The following CERK variants were observed in gnomAD, a reference collection of about 807,000 sequenced individuals.
CERK encodes the protein acylsphingosine kinase.
CERK carries 39 observed loss-of-function variants against 63.4 expected under a neutral mutation model. The observed-to-expected ratio is 0.61, with a 90% CI of 0.48 to 0.80. CERK has a LOEUF of 0.80. Ranked by LOEUF, CERK falls within the 30% of genes least tolerant of loss-of-function variation. CERK has a pLI of 0.00. For synonymous variants in CERK, 302 were observed against 280.0 expected, an observed-to-expected ratio of 1.08 and a Z score of -0.78; for missense variants, 670 against 714.1, an observed-to-expected ratio of 0.94 and a Z score of 0.70.
chr22:46,691,733 T>A lies in CERK; in HGVS notation c.1171A>T (p.Ile391Phe). The A allele has an allele frequency of 1.2e-6, 2 of 1,613,266 alleles. No individual in the cohort carries two copies. The highest frequency in any genetic ancestry group is 1.7e-6 in the Non-Finnish European group (2 of 1,179,348). Residue 391 changes from isoleucine (I) to phenylalanine (F), a missense_variant, in exon 11 of 13, where the codon ATC becomes TTC. Ile to Phe is a conservative substitution (Grantham distance 21). Transcript: ENST00000216264. ...GCACAGGACATGTTTGTGGCATTGA[T>A]GGCCAGAAACTTCCCACAGACGACT... is the stretch of plus-strand genomic sequence containing the variant. ...WQVVCGKFLA[I>F]NATNMSCACR...
chr22:46,698,408 G>A (rs1043082035), intron 8 of CERK, among the ~76,000 whole-genome samples: 1 of 152,206 alleles, frequency 6.6e-6, no homozygotes, highest in Non-Finnish European at 1.5e-5. Context: ...CAACAAATAC[G>A]TGCTGAGTGT....
At chr22:46,694,593 C>A (rs2082747027) in intron 9 of CERK, among the ~76,000 whole-genome samples, 1 of 152,180 alleles carries the variant, frequency 6.6e-6, no homozygotes, top group African/African-American at 2.4e-5. Context: ...CCCCCCAACC[C>A]CTGGCACCAG....
intron 2 of CERK, among the ~76,000 whole-genome samples, chr22:46,720,583 C>G (rs2082887258): frequency 6.6e-6 from 1 of 152,094 alleles, no homozygotes. Context: ...ATAATCCCAG[C>G]TACTCAGGAG....
chr22:46,691,426 G>A (rs1332237684), intron 11 of CERK, 146 bp downstream of exon 11: 1 of 673,668 alleles, frequency 1.5e-6, no homozygotes, highest in East Asian at 2.8e-5. Flanking sequence ...GTAACCAGGA[G>A]TTTAAAGTTT....
At chr22:46,691,842 G>T in intron 10 of CERK, 65 bp from the exon 11 acceptor site, 2 of 1,403,832 alleles carry the variant, frequency 1.4e-6, no homozygotes, top group Non-Finnish European at 9.8e-7. Context: ...CCTGCACCAG[G>T]ACGGTGGGAG....
At chr22:46,695,426 T>G (rs1157300408) in intron 8 of CERK, 111 bp from the exon 9 acceptor site, 5 of 738,400 alleles carry the variant, frequency 6.8e-6, no homozygotes, top group Middle Eastern at 3.4e-4. Flanking sequence ...GCCTAAACCG[T>G]CTGCAGGAGG....
At chr22:46,694,385 T>C (rs138411367) in intron 9 of CERK, among the ~76,000 whole-genome samples, 175 of 152,258 alleles carry the variant, frequency 1.1e-3, no homozygotes, top group African/African-American at 4.0e-3. Flanking sequence ...GGGGCGGAGA[T>C]ATGCCAGGTG....
rs553528779 is a variant in CERK at position 46,685,493 on chromosome 22, C to G, written c.*1641G>C. 1 of 152,038 alleles carries G rather than the reference C, an allele frequency of 6.6e-6. No individual in the cohort carries two copies. The highest frequency in any genetic ancestry group is 2.4e-5 in the African/African-American group (1 of 41,564). 9.4% of individuals were successfully genotyped at this position (152,038 alleles called of 1,614,324 possible). On this transcript the variant is annotated 3_prime_UTR_variant, in exon 13 of 13. Transcript: ENST00000216264. The stretch of plus-strand genomic sequence containing the variant: ...CCTGGCGTGACACCAGGCACACTGC[C>G]GGCTGCACAGGTTGCTGGGCACAGG...
At chr22:46,720,001 G>C in intron 3 of CERK, 85 bp downstream of exon 3, 1 of 1,532,820 alleles carries the variant, frequency 6.5e-7, no homozygotes, top group Non-Finnish European at 8.8e-7. Flanking sequence ...TGCACGAAAC[G>C]GGGAGACACT....
In CERK at chr22:46,699,411, C is replaced by A. The variant is rs144086274; in HGVS notation, c.845G>T (p.Arg282Leu). The A allele has an allele frequency of 3.3e-5, 53 of 1,614,052 alleles. No homozygotes were observed. The African/African-American group carries it at 5.9e-4, about 18-fold the overall frequency. Reference protein sequence around the residue: ...SSVHHNSTLLRYSVSLLGYGF... With the variant: ...SSVHHNSTLLLYSVSLLGYGF... ...GTAGCCCAGCAGGGACACGGAGTAG[C>A]GAAGGAGTGTGCTGTTGTGGTGGAC... The change falls in exon 8 of 13, where the codon CGC becomes CTC. Residue 282 changes from arginine to leucine, a missense_variant. Arg to Leu is a moderately radical substitution (Grantham distance 102). Coordinates refer to ENST00000216264, the MANE Select transcript of CERK (RefSeq NM_022766.6).
In CERK at chr22:46,685,046, G is replaced by C. The variant is rs1466120567; in HGVS notation, c.*2088C>G. On this transcript the variant is annotated 3_prime_UTR_variant, in exon 13 of 13. Coordinates refer to ENST00000216264, the MANE Select transcript of CERK (RefSeq NM_022766.6). ...AAAATTGTTAGTGGGTTTTGGGGCA[G>C]GCCAGTGTATGGGAAACTTTTTTTT... 4 of 150,694 alleles carry C rather than the reference G, an allele frequency of 2.7e-5. No homozygotes were observed. The allele number at this position is 150,694 out of a possible 1,614,324, so 9.3% of individuals were successfully genotyped here. A position where few individuals can be genotyped will look rare whatever the true frequency, so the allele number is the denominator to read the frequency against.
rs2082883205 is a variant in CERK, at chr22:46,719,819, G to A, written c.379+267C>T. Among the ~76,000 whole-genome samples, 4 of 152,366 alleles carry A rather than the reference G, an allele frequency of 2.6e-5. No homozygotes were observed. In the South Asian group the frequency reaches 8.3e-4, roughly 32 times the overall value. ...TCCGCTTCCAGAAAGAGAAACTGAG[G>A]CTCAGAAGGGTAAGTGACCCGCCCC... On this transcript the variant is annotated intron_variant, in intron 3 of 12. Coordinates refer to ENST00000216264, the MANE Select transcript of CERK (RefSeq NM_022766.6).
At chr22:46,725,786 C>T (rs189117607) in intron 1 of CERK, among the ~76,000 whole-genome samples, 1 of 152,354 alleles carries the variant, frequency 6.6e-6, no homozygotes, top group Non-Finnish European at 1.5e-5. Context: ...GTGCGGCTCA[C>T]GCGTTTGCTG....
In CERK at chr22:46,714,275, T is replaced by C. The variant is rs56800846; in HGVS notation, c.380-1982A>G. On this transcript the variant is annotated intron_variant, in intron 3 of 12. Transcript: ENST00000216264. The surrounding 1 kb of genome is among the most constrained non-coding windows in gnomAD (Gnocchi z 4.4). ...GACAGAGTAAGACTCCATGTCAAAA[T>C]AAACAAACAAACAAACAAATTAGCT... 7.1e-3 allele frequency among the ~76,000 whole-genome samples: 1,077 copies of C among 152,068 alleles called. 12 individuals are homozygous for C. The highest frequency in any genetic ancestry group is 0.024 in the African/African-American group (1,008 of 41,488).
chr22:46,737,944 T>A (rs1282592969), intron 1 of CERK, 63 bp downstream of exon 1: 28 of 1,076,870 alleles, frequency 2.6e-5, no homozygotes, highest in Non-Finnish European at 2.9e-5. Context: ...CCCAGCCGGG[T>A]CCCCCAAGCC....
chr22:46,738,073 C>T lies in CERK; in HGVS notation c.76G>A (p.Glu26Lys). 3 of 1,273,330 alleles carry T rather than the reference C, an allele frequency of 2.4e-6. No individual in the cohort carries two copies. Among genetic ancestry groups the T allele is most frequent in the Non-Finnish European group, 2.0e-6 (2 of 1,003,954 alleles). 78.9% of individuals were successfully genotyped at this position (1,273,330 alleles called of 1,614,324 possible). A position where few individuals can be genotyped will look rare whatever the true frequency, so the allele number is the denominator to read the frequency against. ...VKQQRCAVSL[E>K]PARALLRWWR... is the part of the protein sequence containing the mutation. ...CAGCGCAGCAGAGCCCGCGCGGGCT[C>T]CAGGCTCACGGCGCAGCGCTGCTGC... Residue 26 changes from glutamate (E) to lysine (K), a missense_variant, in exon 1 of 13, where the codon GAG (glutamate) becomes AAG (lysine). Glu to Lys is a moderately conservative substitution (Grantham distance 56, BLOSUM62 1). Transcript: ENST00000216264.
chr22:46,697,215 T>A (rs973938733), intron 8 of CERK, among the ~76,000 whole-genome samples: 3 of 152,162 alleles, frequency 2.0e-5, no homozygotes, highest in African/African-American at 7.2e-5. Flanking sequence ...TGATACAGAT[T>A]TATCTGAAAG....
chr22:46,727,220 T>G (rs1329657381), intron 1 of CERK, among the ~76,000 whole-genome samples: 1 of 151,892 alleles, frequency 6.6e-6, no homozygotes, highest in African/African-American at 2.4e-5. Flanking sequence ...TACTGCTATT[T>G]CATGCCATAA....
rs201568915 is a variant in CERK, at chr22:46,687,239, C to T, written c.1542-33G>A. 37 of 1,587,328 alleles carry T rather than the reference C, an allele frequency of 2.3e-5. No homozygotes were observed. In the East Asian group the frequency reaches 5.6e-4, roughly 24 times the overall value. On this transcript the variant is annotated intron_variant, in intron 12 of 12. Coordinates refer to ENST00000216264, the MANE Select transcript of CERK (RefSeq NM_022766.6). ...GACAAGCGGCCACGTGTAAACCCCA[C>T]GTGTCCCTCACTCAAAGCTGGCCTG... is the stretch of plus-strand genomic sequence containing the variant.
Sources: gnomAD v4.1 joint callset for allele counts (sites outside exome capture counted in the v4.1 genomes callset) on GRCh38, gnomAD v4.1.1 for gene constraint, Gnocchi (gnomAD v3.1) non-coding constraint, MANE v1.5 for transcripts, NCBI Gene and HGNC (gene_info 2026-07-23, HGNC 2026-07-21) for gene names.